GDF1: variants seen among roughly 807,000 people sequenced by gnomAD.
GDF1 encodes growth differentiation factor 1.
GDF1 carries 8 observed loss-of-function variants against 7.4 expected under a neutral mutation model. The ratio of observed to expected loss-of-function variants is 1.09; its 90% CI spans 0.64 to 1.96. The LOEUF (loss-of-function observed/expected upper bound fraction) is 1.96, where lower values mean the gene tolerates loss of function less well. Among genes scored for constraint, GDF1 ranks in the 30% most tolerant of loss-of-function variants. The pLI, the probability that GDF1 is intolerant of heterozygous loss-of-function variation, is 0.00. For missense variants in GDF1, 574 were observed against 551.5 expected, an observed-to-expected ratio of 1.04 and a Z score of -0.41; for synonymous variants, 311 against 276.7, an observed-to-expected ratio of 1.12 and a Z score of -1.23.
At chr19:18,893,862 A>C (rs2056559066) in intron 1 of GDF1, among the ~76,000 whole-genome samples, 1 of 151,404 alleles carries the variant, frequency 6.6e-6, no homozygotes, top group African/African-American at 2.4e-5. Context: ...ACTTGGGCTT[A>C]CGATGAGGGA....
At chr19:18,889,756 C>T (rs991070432) in intron 2 of GDF1, among the ~76,000 whole-genome samples, 1 of 152,000 alleles carries the variant, frequency 6.6e-6, no homozygotes, top group African/African-American at 2.4e-5. Context: ...ACTCATATCC[C>T]ACCTGCTGTT....
Position 18,896,094 on chromosome 19 carries a change from C to T in GDF1, c.-1344G>A. 1 of 918,954 alleles carries T rather than the reference C, an allele frequency of 1.1e-6. No homozygotes were observed. The highest frequency in any genetic ancestry group is 1.3e-6 in the Non-Finnish European group (1 of 771,824). 56.9% of individuals were successfully genotyped at this position (918,954 alleles called of 1,614,324 possible). ...CCATACCGCCCGCTCGCCCGCCGTG[C>T]CCGTCGCCTGCGCCCGCCCGCGGTA... On this transcript the variant is annotated 5_prime_UTR_variant, in exon 1 of 8. Transcript: ENST00000247005. The surrounding 1 kb of genome is among the most constrained non-coding windows in gnomAD (Gnocchi z 5.9).
At position 18,893,495 on chromosome 19, in the gene GDF1, C is replaced by T; in HGVS notation, c.-993G>A. 6.2e-7 allele frequency: 1 copy of T among 1,609,104 alleles called. No homozygotes were observed. The highest frequency in any genetic ancestry group is 8.5e-7 in the Non-Finnish European group (1 of 1,178,054). ...GGTAGGCACTGTAGCTCCAGCTGCC[C>T]AGGTAGAAGAGAAACTTCCAAGCGC... On this transcript the variant is annotated 5_prime_UTR_variant, in exon 2 of 8. The change creates a premature stop within an existing upstream ORF in the 5' untranslated region. Transcript: ENST00000247005.
Position 18,868,781 on chromosome 19 carries a change from G to A in GDF1, c.935C>T (p.Pro312Leu), listed in dbSNP as rs759759832. ...LPVALSGSGGPPALNHAVLRA... is the reference protein window; with the variant it reads ...LPVALSGSGGLPALNHAVLRA... ...CAGCACAGCGTGGTTGAGCGCCGGC[G>A]GCCCCCCGGACCCCGACAGCGCGAC... Residue 312 changes from proline to leucine, a missense_variant, in exon 8 of 8, where the codon CCG (proline) becomes CTG (leucine). Coordinates refer to ENST00000247005, the MANE Select transcript of GDF1 (RefSeq NM_001492.6). 11 of 1,465,844 alleles carry A rather than the reference G, an allele frequency of 7.5e-6. No homozygotes were observed. In the South Asian group the frequency reaches 1.2e-4, roughly 17 times the overall value. 90.8% of individuals were successfully genotyped at this position (1,465,844 alleles called of 1,614,324 possible).
At chr19:18,869,490 GGC>G in intron 7 of GDF1, 100 bp from the exon 8 acceptor site, 1 of 1,434,864 alleles carries the variant, frequency 7.0e-7, no homozygotes, top group Non-Finnish European at 9.2e-7. Flanking sequence ...TGGGGCTCGG[GGC>G]GCACCGTCTG....
chr19:18,874,491 G>GGGCAGT (rs2056027648), intron 6 of GDF1, among the ~76,000 whole-genome samples: 1 of 152,156 alleles, frequency 6.6e-6, no homozygotes, highest in Non-Finnish European at 1.5e-5. Flanking sequence ...ACTGCTGCAG[G>GGGCAGT]GGCAGTGGCA....
chr19:18,892,059 A>G (rs937901832), intron 2 of GDF1, among the ~76,000 whole-genome samples: 1 of 151,472 alleles, frequency 6.6e-6, no homozygotes, highest in Non-Finnish European at 1.5e-5. Context: ...ATGCCTGGCT[A>G]ATTTATTTTT....
chr19:18,889,510 G>A (rs974160712), intron 2 of GDF1, among the ~76,000 whole-genome samples: 8 of 152,120 alleles, frequency 5.3e-5, no homozygotes, highest in South Asian at 4.1e-4. Context: ...TCGACCTCCC[G>A]GGCTCAAGCC....
Position 18,870,557 on chromosome 19 carries a change from CG to C in GDF1, c.-251del. On this transcript the variant is annotated 5_prime_UTR_variant, in exon 7 of 8. Coordinates refer to ENST00000247005, the MANE Select transcript of GDF1 (RefSeq NM_001492.6). This position sits in a 1 kb window ranked among gnomAD's most constrained non-coding sequence, Gnocchi z 5.1. ...GGTATTCGGGGTGGGGCCGGGTCCA[CG>C]GGGGCGGGGCCGAGGGGTTCAGAAG... 1 of 69,002 alleles carries C rather than the reference CG, an allele frequency of 1.4e-5. No individual in the cohort carries two copies. The allele number at this position is 69,002 out of a possible 1,614,324, so 4.3% of individuals were successfully genotyped here.
At chr19:18,884,065 T>C (rs1277311741) in intron 3 of GDF1, 22 bp downstream of exon 3, 3 of 1,602,388 alleles carry the variant, frequency 1.9e-6, no homozygotes, top group Non-Finnish European at 1.7e-6. Flanking sequence ...CTCGGCCCCC[T>C]GCCACCCGAT....
chr19:18,869,983 C>T lies in GDF1; in HGVS notation c.325G>A (p.Gly109Ser), dbSNP rs2055935775. 1.3e-6 allele frequency: 2 copies of T among 1,586,818 alleles called. No individual in the cohort carries two copies. The change falls in exon 7 of 8, where the codon GGT becomes AGT. Residue 109 changes from glycine to serine, a missense_variant and splice_region_variant. Coordinates refer to ENST00000247005, the MANE Select transcript of GDF1 (RefSeq NM_001492.6). ...TGTCCCCAGCGAAAGCCCCACTCAC[C>T]GCGGTCCGGGATGTGGCGCACGATG... Reference protein sequence around the residue: ...GNIVRHIPDRGAPTRASEPAS... With the variant: ...GNIVRHIPDRSAPTRASEPAS...
chr19:18,880,203 G>T lies in GDF1; in HGVS notation c.-571+71C>A, dbSNP rs149449210. The T allele has an allele frequency of 6.2e-4, 817 of 1,311,682 alleles. 6 individuals carry two copies. In the African/African-American group the frequency reaches 0.011, roughly 18 times the overall value. 81.3% of individuals were successfully genotyped at this position (1,311,682 alleles called of 1,614,324 possible). A position where few individuals can be genotyped will look rare whatever the true frequency, so the allele number is the denominator to read the frequency against. ...CCCGCCTCCTTCCCTGCCTGGTCCC[G>T]CCCCTTTTCTGGACACACCCACCTC... On this transcript the variant is annotated intron_variant, in intron 4 of 7. Transcript: ENST00000247005.
At position 18,896,057 on chromosome 19, in the gene GDF1, G is replaced by A; in HGVS notation, c.-1307C>T. On this transcript the variant is annotated 5_prime_UTR_variant, in exon 1 of 8. Transcript: ENST00000247005. The surrounding 1 kb of genome is among the most constrained non-coding windows in gnomAD (Gnocchi z 5.9). Reference sequence around the variant, plus strand: ...TCGGGCCCCGTCGGCCCCGCCGCGGGCCCCGCCGCCGCCATACCGCCCGCT... The same window carrying A: ...TCGGGCCCCGTCGGCCCCGCCGCGGACCCCGCCGCCGCCATACCGCCCGCT... 1 of 982,440 alleles carries A rather than the reference G, an allele frequency of 1.0e-6. No homozygotes were observed. The highest frequency in any genetic ancestry group is 1.2e-6 in the Non-Finnish European group (1 of 828,928). The allele number at this position is 982,440 out of a possible 1,614,324, so 60.9% of individuals were successfully genotyped here. A position where few individuals can be genotyped will look rare whatever the true frequency, so the allele number is the denominator to read the frequency against.
chr19:18,895,858 G>A lies in GDF1; in HGVS notation c.-1108C>T. 7.7e-7 allele frequency: 1 copy of A among 1,303,084 alleles called. No homozygotes were observed. The highest frequency in any genetic ancestry group is 1.9e-5 in the South Asian group (1 of 52,378). 80.7% of individuals were successfully genotyped at this position (1,303,084 alleles called of 1,614,324 possible). On this transcript the variant is annotated 5_prime_UTR_variant, in exon 1 of 8. Coordinates refer to ENST00000247005, the MANE Select transcript of GDF1 (RefSeq NM_001492.6). This position sits in a 1 kb window ranked among gnomAD's most constrained non-coding sequence, Gnocchi z 6.4. ...GCGCGCAGTGGCCGCGGAGCGCAGG[G>A]CGGTCCAGCCCAGCGCGCCGAGCGC...
At chr19:18,882,479 A>G (rs2056236124) in intron 3 of GDF1, among the ~76,000 whole-genome samples, 1 of 151,410 alleles carries the variant, frequency 6.6e-6, no homozygotes, top group Non-Finnish European at 1.5e-5. Flanking sequence ...CTAAAAATAT[A>G]ATAATTAGCC....
chr19:18,881,221 A>ATTT (rs764854215), intron 3 of GDF1, among the ~76,000 whole-genome samples: 1 of 138,464 alleles, frequency 7.2e-6, no homozygotes, highest in Non-Finnish European at 1.6e-5. Context: ...TTTTTTTTTA[A>ATTT]TTTTTTTTTT....
chr19:18,873,270 C>G (rs147702658), intron 6 of GDF1, among the ~76,000 whole-genome samples: 2 of 152,106 alleles, frequency 1.3e-5, no homozygotes, highest in East Asian at 3.9e-4. Flanking sequence ...GAGAATGGCA[C>G]TCAGGGGAGC....
chr19:18,875,288 A>G (rs546726141), intron 6 of GDF1, among the ~76,000 whole-genome samples: 2 of 151,184 alleles, frequency 1.3e-5, no homozygotes, highest in African/African-American at 4.9e-5. Flanking sequence ...GCTCACGCCT[A>G]TAATCCCAAC....
chr19:18,880,182 C>G, intron 4 of GDF1, 92 bp downstream of exon 4: 1 of 1,359,262 alleles, frequency 7.4e-7, no homozygotes, highest in Non-Finnish European at 9.8e-7. Flanking sequence ...CCGGGCCCCG[C>G]CTCCTTCCCT....
Sources: allele counts gnomAD v4.1 joint callset (sites outside exome capture counted in the v4.1 genomes callset), GRCh38; gene constraint gnomAD v4.1.1; non-coding constraint Gnocchi (gnomAD v3.1); transcripts MANE v1.5; gene names NCBI Gene and HGNC (gene_info 2026-07-23, HGNC 2026-07-21).